EYS: variants seen among roughly 807,000 people sequenced by gnomAD.
The protein encoded by EYS is EGF-like photoreceptor maintenance factor, also known as protein eyes shut homolog.
Under a neutral mutation model 282.1 loss-of-function variants are expected in EYS, and 250 were observed. That is an observed-to-expected ratio of 0.89 (90% CI 0.80 to 0.98). EYS has a LOEUF of 0.98. Ranked by LOEUF, EYS falls within the 50% of genes least tolerant of loss-of-function variation. EYS has a pLI of 0.00. For synonymous variants in EYS, 1,355 were observed against 1,282.9 expected (o/e 1.06, Z -1.20); for missense variants, 4,016 against 3,709.0 (o/e 1.08, Z -2.15).
rs183022960 is a variant in EYS at position 64,555,041 on chromosome 6, T to G, written c.5644+35182A>C. On this transcript the variant is annotated intron_variant, in intron 26 of 42. Coordinates refer to ENST00000503581, the MANE Select transcript of EYS (RefSeq NM_001142800.2). ...AAGTATATATCCAAAGGAAAGGAAA[T>G]CAGTACGTCAAAAAGATATACTTCC... 5.1e-3 allele frequency among the ~76,000 whole-genome samples: 778 copies of G among 151,946 alleles called. 2 individuals carry two copies. Among genetic ancestry groups the G allele is most frequent in the South Asian group, 0.02 (97 of 4,814 alleles).
chr6:64,259,648 G>GCT (rs1554223001), intron 30 of EYS, among the ~76,000 whole-genome samples: 1 of 63,248 alleles, frequency 1.6e-5, no homozygotes, highest in Non-Finnish European at 3.4e-5. Flanking sequence ...TTTTACACAC[G>GCT]CGCACACACA....
intron 26 of EYS, among the ~76,000 whole-genome samples, chr6:64,475,017 A>G (rs942600319): frequency 6.6e-6 from 1 of 152,232 alleles, no homozygotes; most frequent in Non-Finnish European, 1.5e-5. Context: ...CGGGAAATAT[A>G]GGTGAGAAAA....
chr6:64,961,844 A>G (rs1769931877), intron 14 of EYS, among the ~76,000 whole-genome samples: 1 of 152,146 alleles, frequency 6.6e-6, no homozygotes, highest in Non-Finnish European at 1.5e-5. Flanking sequence ...AACTAGAAAA[A>G]TAATAGGAAA....
At chr6:64,205,045 T>A (rs1050332423) in intron 31 of EYS, among the ~76,000 whole-genome samples, 5 of 152,168 alleles carry the variant, frequency 3.3e-5, no homozygotes, top group African/African-American at 1.2e-4. Context: ...AATACAGTTA[T>A]AAGGATTCTT....
At chr6:65,154,101 C>A (rs1332257214) in intron 12 of EYS, among the ~76,000 whole-genome samples, 1 of 151,686 alleles carries the variant, frequency 6.6e-6, no homozygotes, top group African/African-American at 2.4e-5. Context: ...TTTAAGCTCT[C>A]GGAAAAGAGG....
At chr6:63,770,174 A>T (rs1434223345) in intron 40 of EYS, among the ~76,000 whole-genome samples, 1 of 152,098 alleles carries the variant, frequency 6.6e-6, no homozygotes, top group Non-Finnish European at 1.5e-5. Context: ...ATCAAAGTTT[A>T]ATCACCATAT....
Position 63,920,897 on chromosome 6 carries a change from C to CT in EYS, c.7056-56540dup, listed in dbSNP as rs545654220. Among the ~76,000 whole-genome samples, 597 of 144,100 alleles carry CT rather than the reference C, an allele frequency of 4.1e-3. 2 individuals carry two copies. The highest frequency in any genetic ancestry group is 8.9e-3 in the Admixed American group (128 of 14,386). The allele number at this position is 144,100 out of a possible 152,430, so 94.5% of individuals were successfully genotyped here. A position where few individuals can be genotyped will look rare whatever the true frequency, so the allele number is the denominator to read the frequency against. ...ACTGTCTTCTTCTTCTTCTTTCTTC[C>CT]TTTTTTTTTTTTGGAGACAGAGTCT... is the stretch of plus-strand genomic sequence containing the variant. On this transcript the variant is annotated intron_variant, in intron 35 of 42. Coordinates refer to ENST00000503581, the MANE Select transcript of EYS (RefSeq NM_001142800.2).
At chr6:64,249,745 G>A (rs1437806753) in intron 30 of EYS, among the ~76,000 whole-genome samples, 1 of 152,168 alleles carries the variant, frequency 6.6e-6, no homozygotes, top group East Asian at 1.9e-4. Context: ...CTGTGGTCCT[G>A]GAGAGAGGAA....
chr6:64,855,906 T>G (rs1766044203), intron 19 of EYS, among the ~76,000 whole-genome samples: 1 of 152,228 alleles, frequency 6.6e-6, no homozygotes, highest in Admixed American at 6.5e-5. Context: ...CTTAGCAATA[T>G]GCATTTAATG....
intron 11 of EYS, chr6:65,330,162 G>T: frequency 1.0e-6 from 1 of 981,224 alleles, no homozygotes; most frequent in Non-Finnish European, 1.2e-6. Context: ...GTGTTCTGAA[G>T]AGTGTATAAT....
At chr6:64,448,847 C>A (rs2150475217) in intron 26 of EYS, among the ~76,000 whole-genome samples, 1 of 152,250 alleles carries the variant, frequency 6.6e-6, no homozygotes, top group African/African-American at 2.4e-5. Context: ...ACACCAAAAA[C>A]CCATCTGTAT....
intron 12 of EYS, among the ~76,000 whole-genome samples, chr6:65,161,831 C>T (rs1411184236): frequency 6.6e-6 from 1 of 151,082 alleles, no homozygotes; most frequent in Non-Finnish European, 1.5e-5. Flanking sequence ...ATCTCAGTAT[C>T]CTTTATTTAT....
intron 36 of EYS, chr6:63,821,387 A>C (rs1225716037): frequency 6.6e-6 from 1 of 152,182 alleles, no homozygotes; most frequent in East Asian, 1.9e-4. Context: ...CCTTATTGAG[A>C]GTATAAAAGG....
rs754217216 is a variant in EYS, at chr6:65,405,325, A to C, written c.905T>G (p.Leu302Arg). 2.3e-5 allele frequency: 37 copies of C among 1,613,250 alleles called. No homozygotes were observed. The highest frequency in any genetic ancestry group is 1.7e-6 in the Non-Finnish European group (2 of 1,179,598). Residue 302 changes from leucine to arginine, a missense_variant, in exon 6 of 43, where the codon CTT (leucine) becomes CGT (arginine). By Grantham distance (102) the Leu-to-Arg change is moderately radical. Transcript: ENST00000503581. ...TGGGCAAATTCCTCTTTTCCAAAAAAGCAGAGAAACACAAGGTTTTGCTGA... is the reference window on the plus strand; with the variant it reads ...TGGGCAAATTCCTCTTTTCCAAAAACGCAGAGAAACACAAGGTTTTGCTGA... ...EVSAKPCVSL[L>R]FWKRGICPNS...
chr6:64,330,226 G>A (rs1770588588), intron 29 of EYS, among the ~76,000 whole-genome samples: 1 of 152,162 alleles, frequency 6.6e-6, no homozygotes, highest in Non-Finnish European at 1.5e-5. Flanking sequence ...AAAGAGCAAG[G>A]TATCTTGGCT....
chr6:65,372,869 C>T (rs917747814), intron 8 of EYS, among the ~76,000 whole-genome samples: 8 of 151,848 alleles, frequency 5.3e-5, no homozygotes, highest in Non-Finnish European at 1.2e-4. Flanking sequence ...TTTTTATCTC[C>T]TCATATTTTC....
intron 12 of EYS, among the ~76,000 whole-genome samples, chr6:65,221,711 C>T (rs952226147): frequency 2.6e-5 from 4 of 152,130 alleles, no homozygotes. Context: ...GGCCACTGTC[C>T]TCTAGACCCA....
intron 19 of EYS, among the ~76,000 whole-genome samples, chr6:64,881,073 C>T (rs916631699): frequency 6.6e-6 from 1 of 151,642 alleles, no homozygotes; most frequent in Non-Finnish European, 1.5e-5. Flanking sequence ...GAATTTACTA[C>T]ATCTATTGAG....
At chr6:64,953,638 T>C (rs979929675) in intron 14 of EYS, among the ~76,000 whole-genome samples, 4 of 151,832 alleles carry the variant, frequency 2.6e-5, no homozygotes, top group Non-Finnish European at 4.4e-5. Flanking sequence ...AAATGATTTA[T>C]CTTGGTGCTT....
Sources: gnomAD v4.1 joint callset for allele counts (sites outside exome capture counted in the v4.1 genomes callset) on GRCh38, gnomAD v4.1.1 for gene constraint, MANE v1.5 for transcripts, NCBI Gene and HGNC (gene_info 2026-07-23, HGNC 2026-07-21) for gene names.